Variants in CHD5 observed in about 807,000 individuals in gnomAD.
CHD5 encodes chromodomain helicase DNA binding protein 5.
In CHD5, 69 loss-of-function variants were observed where a neutral mutation model predicts 230.3. The observed-to-expected ratio is 0.30, with a 90% CI of 0.25 to 0.37. The LOEUF is 0.37. Among genes scored for constraint, CHD5 ranks in the 10% least tolerant of loss-of-function variants. The pLI is 1.00. For missense variants in CHD5, 1,827 were observed against 2,622.8 expected (o/e 0.70, Z 6.63); for synonymous variants, 1,064 against 1,065.9 (o/e 1.00, Z 0.03).
At chr1:6,163,326 C>A (rs957555917) in intron 2 of CHD5, among the ~76,000 whole-genome samples, 1 of 152,202 alleles carries the variant, frequency 6.6e-6, no homozygotes, top group Non-Finnish European at 1.5e-5. Context: ...GGGTCTGACG[C>A]CCAAGTCCCC....
chr1:6,157,825 G>C (rs577936913), intron 3 of CHD5, among the ~76,000 whole-genome samples: 43 of 152,304 alleles, frequency 2.8e-4, no homozygotes, highest in Admixed American at 7.8e-4. Context: ...ACTCTCTTAA[G>C]TGAAGCTTTC....
intron 2 of CHD5, among the ~76,000 whole-genome samples, chr1:6,165,926 G>C (rs759787797): frequency 2.0e-5 from 3 of 152,012 alleles, no homozygotes; most frequent in Non-Finnish European, 4.4e-5. Flanking sequence ...TGCAAGAGCC[G>C]CAGAGTGCAG....
chr1:6,119,898 T>C (rs1027701824), intron 33 of CHD5, among the ~76,000 whole-genome samples: 6 of 151,590 alleles, frequency 4.0e-5, no homozygotes, highest in Admixed American at 1.3e-4. Flanking sequence ...TCCCTCTCTG[T>C]TGCCCAGGCT....
intron 33 of CHD5, among the ~76,000 whole-genome samples, chr1:6,115,716 TC>T (rs1172882308): frequency 6.6e-6 from 1 of 152,130 alleles, no homozygotes; most frequent in Admixed American, 6.5e-5. Context: ...TGTGGACTTT[TC>T]CCCAGGGCCT....
Position 6,124,667 on chromosome 1 carries a change from G to GC in CHD5, c.4395-7_4395-6insG. Reference sequence around the variant, plus strand: ...TGAAGAGGGACACATAGGCTCTGGGGTGGGGGGGGGGGACTGGGGCTCAGG... The same window carrying GC: ...TGAAGAGGGACACATAGGCTCTGGGGCTGGGGGGGGGGGACTGGGGCTCAGG... On this transcript the variant is annotated splice_region_variant and splice_polypyrimidine_tract_variant and intron_variant, in intron 29 of 41. Coordinates refer to ENST00000262450, the MANE Select transcript of CHD5 (RefSeq NM_015557.3). 2 of 1,413,516 alleles carry GC rather than the reference G, an allele frequency of 1.4e-6. No individual in the cohort carries two copies. The highest frequency in any genetic ancestry group is 2.6e-5 in the South Asian group (2 of 78,096). The allele number at this position is 1,413,516 out of a possible 1,614,324, so 87.6% of individuals were successfully genotyped here. A position where few individuals can be genotyped will look rare whatever the true frequency, so the allele number is the denominator to read the frequency against.
chr1:6,114,660 C>T (rs938703018), intron 33 of CHD5, among the ~76,000 whole-genome samples: 50 of 151,658 alleles, frequency 3.3e-4, no homozygotes, highest in African/African-American at 1.2e-3. Context: ...AAAAAGCTTG[C>T]TCTAAAATAA....
In CHD5 at chr1:6,131,304, G is replaced by GTC. The variant is rs1666653633; in HGVS notation, c.3262+326_3262+327insGA. On this transcript the variant is annotated intron_variant, in intron 21 of 41. Coordinates refer to ENST00000262450, the MANE Select transcript of CHD5 (RefSeq NM_015557.3). This position sits in a 1 kb window ranked among gnomAD's most constrained non-coding sequence, Gnocchi z 5.0. ...GGCCCCAGGTAGCACGTGCATCTCT[G>GTC]TACCTTCTGCCACCATTCACCATAC... 6.6e-6 allele frequency among the ~76,000 whole-genome samples: 1 copy of GTC among 152,136 alleles called. No individual in the cohort carries two copies. Among genetic ancestry groups the GTC allele is most frequent in the African/African-American group, 2.4e-5 (1 of 41,436 alleles).
rs57522479 is a variant in CHD5 at position 6,119,864 on chromosome 1, ATT to A, written c.4912+1239_4912+1240del. Among the ~76,000 whole-genome samples the A allele has an allele frequency of 5.0e-3, 681 of 137,424 alleles. 10 individuals are homozygous for A. The highest frequency in any genetic ancestry group is 0.02 in the African/African-American group (649 of 32,310). 90.2% of individuals were successfully genotyped at this position (137,424 alleles called of 152,430 possible). On this transcript the variant is annotated intron_variant, in intron 33 of 41. Coordinates refer to ENST00000262450, the MANE Select transcript of CHD5 (RefSeq NM_015557.3). ...ATATGTGTGTATTATATATATATAT[ATT>A]TTTTTTTTTTCTGAGATTGAGTCCC...
chr1:6,159,817 G>A (rs1035687182), intron 2 of CHD5, among the ~76,000 whole-genome samples: 13 of 152,264 alleles, frequency 8.5e-5, no homozygotes, highest in African/African-American at 2.4e-4. Flanking sequence ...CTGCAAGCTC[G>A]GCTCAGCCCA....
chr1:6,174,769 T>TGATGGATAGATGGTGGGTGGATG (rs1318007101), intron 1 of CHD5, among the ~76,000 whole-genome samples: 1 of 140,718 alleles, frequency 7.1e-6, no homozygotes, highest in Non-Finnish European at 1.5e-5. Context: ...GATGATGAAT[T>TGATGGATAGATGGTGGGTGGATG]GATGGATAGA....
chr1:6,172,635 A>G (rs748847956), intron 1 of CHD5, among the ~76,000 whole-genome samples: 37 of 152,026 alleles, frequency 2.4e-4, no homozygotes, highest in Admixed American at 9.8e-4. Context: ...CCCCTTGCGA[A>G]GTCTCTCCCC....
Position 6,130,232 on chromosome 1 carries a change from G to T in CHD5, c.3359C>A (p.Ser1120Ter). ...ATADTVIIYD[S>*]DWNPHNDIQA... ...GATGTCATTGTGCGGGTTCCAGTCCGAGTCGTAGATGATGACAGTGTCCGC... is the reference window on the plus strand; with the variant it reads ...GATGTCATTGTGCGGGTTCCAGTCCTAGTCGTAGATGATGACAGTGTCCGC... Residue 1120 changes from serine (S) to a stop codon, truncating the protein, a stop_gained, in exon 22 of 42, where the codon TCG (serine) becomes TAG (stop). Coordinates refer to ENST00000262450, the MANE Select transcript of CHD5 (RefSeq NM_015557.3). LOFTEE classifies it high-confidence loss of function. The surrounding 1 kb of genome is among the most constrained non-coding windows in gnomAD (Gnocchi z 4.9). 1 of 1,614,074 alleles carries T rather than the reference G, an allele frequency of 6.2e-7. No homozygotes were observed.
At chr1:6,136,949 G>A in intron 15 of CHD5, 84 bp from the exon 16 acceptor site, 1 of 1,430,218 alleles carries the variant, frequency 7.0e-7, no homozygotes, top group Non-Finnish European at 9.4e-7. Flanking sequence ...CAAGAAGGAG[G>A]TGTGCACAGG....
At chr1:6,168,974 G>A (rs1308329880) in intron 1 of CHD5, among the ~76,000 whole-genome samples, 2 of 149,304 alleles carry the variant, frequency 1.3e-5, no homozygotes, top group Non-Finnish European at 3.0e-5. Flanking sequence ...AGCTGGGATC[G>A]CACAACTGCC....
intron 33 of CHD5, chr1:6,113,465 A>C (rs1340079085): frequency 8.1e-6 from 2 of 245,848 alleles, no homozygotes; most frequent in East Asian, 1.1e-4. Context: ...CAAGAAGAGA[A>C]GGAAATCACC....
In CHD5 at chr1:6,106,718, G is replaced by A. The variant is rs1245027238; in HGVS notation, c.5640C>T (p.Ser1880=). The change falls in exon 39 of 42, where the codon TCC becomes TCT. Residue 1880 remains serine (S), a synonymous_variant. Transcript: ENST00000262450. ...DMKADVTRLP[S]MLSRIPPVAA... Reference sequence around the variant, plus strand: ...CCACCGGGGGGATGCGGGACAGCATGGATGGCAGCCGGGTCACGTCGGCCT... The same window carrying A: ...CCACCGGGGGGATGCGGGACAGCATAGATGGCAGCCGGGTCACGTCGGCCT... 1.2e-6 allele frequency: 2 copies of A among 1,612,084 alleles called. No individual in the cohort carries two copies. The highest frequency in any genetic ancestry group is 3.3e-5 in the Admixed American group (2 of 59,970).
Position 6,142,069 on chromosome 1 carries a change from G to C in CHD5, c.2436+59C>G, listed in dbSNP as rs1311311626. 4 of 1,482,332 alleles carry C rather than the reference G, an allele frequency of 2.7e-6. No homozygotes were observed. In the Admixed American group the frequency reaches 5.1e-5, roughly 19 times the overall value. 91.8% of individuals were successfully genotyped at this position (1,482,332 alleles called of 1,614,324 possible). A position where few individuals can be genotyped will look rare whatever the true frequency, so the allele number is the denominator to read the frequency against. On this transcript the variant is annotated intron_variant, in intron 15 of 41. Transcript: ENST00000262450. This position sits in a 1 kb window ranked among gnomAD's most constrained non-coding sequence, Gnocchi z 5.2. Reference sequence around the variant, plus strand: ...CCCCAAAGGAGTGCACGGCACCCGTGGTCCCTGAACTAGACCGGGGGCCTT... The same window carrying C: ...CCCCAAAGGAGTGCACGGCACCCGTCGTCCCTGAACTAGACCGGGGGCCTT...
rs1247562466 is a variant in CHD5 at position 6,167,327 on chromosome 1, C to G, written c.207+823G>C. Among the ~76,000 whole-genome samples the G allele has an allele frequency of 1.3e-5, 2 of 152,198 alleles. No individual in the cohort carries two copies. Among genetic ancestry groups the G allele is most frequent in the Admixed American group, 1.3e-4 (2 of 15,284 alleles). ...GCCAGGGCACCTCTGAGCCCCCGCT[C>G]TCATCTGTGAAGTGAGGTGCTTGCC... On this transcript the variant is annotated intron_variant, in intron 2 of 41. Coordinates refer to ENST00000262450, the MANE Select transcript of CHD5 (RefSeq NM_015557.3). The surrounding 1 kb of genome is among the most constrained non-coding windows in gnomAD (Gnocchi z 4.5).
chr1:6,115,353 T>A (rs1666363591), intron 33 of CHD5, among the ~76,000 whole-genome samples: 1 of 152,092 alleles, frequency 6.6e-6, no homozygotes, highest in Admixed American at 6.6e-5. Context: ...GCCCTTGGTG[T>A]CCACGCCCTG....
Sources: allele counts gnomAD v4.1 joint callset (sites outside exome capture counted in the v4.1 genomes callset), GRCh38; gene constraint gnomAD v4.1.1; non-coding constraint Gnocchi (gnomAD v3.1); transcripts MANE v1.5; gene names NCBI Gene and HGNC (gene_info 2026-07-23, HGNC 2026-07-21).